Variants in SLC38A8 observed in about 807,000 individuals in gnomAD.
SLC38A8 encodes amino acid transporter SLC38A8.
SLC38A8 carries 65 observed loss-of-function variants against 46.0 expected under a neutral mutation model. The ratio of observed to expected loss-of-function variants is 1.41; its 90% CI spans 1.16 to 1.74. The LOEUF (loss-of-function observed/expected upper bound fraction) is 1.74, where lower values mean the gene tolerates loss of function less well. SLC38A8 is among the 40% of genes most tolerant of loss of function. SLC38A8 has a pLI of 0.00. For missense variants in SLC38A8, 998 were observed against 567.9 expected, an observed-to-expected ratio of 1.76 and a Z score of -7.70; for synonymous variants, 447 against 243.7, an observed-to-expected ratio of 1.83 and a Z score of -7.77.
intron 2 of SLC38A8, among the ~76,000 whole-genome samples, chr16:84,038,956 C>A (rs901501852): frequency 6.6e-6 from 1 of 152,230 alleles, no homozygotes. Flanking sequence ...TTACTGGAAA[C>A]AGTTTTTGCA....
chr16:84,023,458 C>A (rs1030282324), intron 6 of SLC38A8, among the ~76,000 whole-genome samples: 1 of 152,052 alleles, frequency 6.6e-6, no homozygotes, highest in African/African-American at 2.4e-5. Context: ...AGCGTTATTC[C>A]CAACAGAACC....
rs2085123696 is a variant in SLC38A8, at chr16:84,023,664, G to GCGT, written c.691-776_691-775insACG. Among the ~76,000 whole-genome samples, 3 of 152,230 alleles carry GCGT rather than the reference G, an allele frequency of 2.0e-5. No individual in the cohort carries two copies. The East Asian group carries it at 5.8e-4, about 30-fold the overall frequency. ...ACCCCAGCACTTTGGGAGGCCGAAG[G>GCGT]GGGCAGATCACTTGAGGTCAGGAGT... On this transcript the variant is annotated intron_variant, in intron 6 of 10. Coordinates refer to ENST00000299709, the MANE Select transcript of SLC38A8 (RefSeq NM_001080442.3).
At chr16:84,026,324 G>A (rs1183516376) in intron 6 of SLC38A8, among the ~76,000 whole-genome samples, 1 of 152,150 alleles carries the variant, frequency 6.6e-6, no homozygotes, top group Admixed American at 6.5e-5. Flanking sequence ...CCACATCCTG[G>A]GTTCAAGGGA....
Position 84,041,985 on chromosome 16 carries a change from G to A in SLC38A8, c.173C>T (p.Ala58Val). The A allele has an allele frequency of 1.2e-6, 2 of 1,600,832 alleles. No individual in the cohort carries two copies. The highest frequency in any genetic ancestry group is 1.7e-6 in the Non-Finnish European group (2 of 1,172,458). ...GGGACTTACCAGCTCCACCAGGAAG[G>A]CAGGGACCACTCCGCCCGCTTTGGA... Reference protein sequence around the residue: ...AFSKAGGVVPAFLVELVSLVF... With the variant: ...AFSKAGGVVPVFLVELVSLVF... Residue 58 changes from alanine (A) to valine (V), a missense_variant, in exon 2 of 11, where the codon GCC (alanine) becomes GTC (valine). Ala to Val is a moderately conservative substitution (Grantham distance 64, BLOSUM62 0). Transcript: ENST00000299709.
chr16:84,018,299 C>T (rs2085056068), intron 7 of SLC38A8, among the ~76,000 whole-genome samples: 1 of 135,702 alleles, frequency 7.4e-6, no homozygotes, highest in Non-Finnish European at 1.5e-5. Context: ...GTGGCACGAT[C>T]TCGGCTCACT....
chr16:84,021,715 C>T (rs2085098311), intron 7 of SLC38A8, among the ~76,000 whole-genome samples: 1 of 152,208 alleles, frequency 6.6e-6, no homozygotes, highest in Non-Finnish European at 1.5e-5. Flanking sequence ...ACTCTTGATA[C>T]CAATTTTCTG....
chr16:84,029,474 A>C lies in SLC38A8; in HGVS notation c.690+20T>G. On this transcript the variant is annotated intron_variant, in intron 6 of 10. Transcript: ENST00000299709. ...AGCCTCTGCAAACGCCACAGGCTGC[A>C]ACACAGATGCTAAAATTACCTGAAA... is the stretch of plus-strand genomic sequence containing the variant. 6.2e-7 allele frequency: 1 copy of C among 1,613,752 alleles called. No homozygotes were observed. The highest frequency in any genetic ancestry group is 8.5e-7 in the Non-Finnish European group (1 of 1,179,792).
chr16:84,036,839 C>T lies in SLC38A8; in HGVS notation c.251G>A (p.Gly84Asp), dbSNP rs1400885668. 1.2e-6 allele frequency: 2 copies of T among 1,613,718 alleles called. No homozygotes were observed. The highest frequency in any genetic ancestry group is 2.7e-5 in the African/African-American group (2 of 74,920). The change falls in exon 3 of 11, where the codon GGC (glycine) becomes GAC (aspartate). Residue 84 changes from glycine (G) to aspartate (D), a missense_variant. By Grantham distance (94) the Gly-to-Asp change is moderately conservative (BLOSUM62 -1). Transcript: ENST00000299709. Reference protein sequence around the residue: ...VILGYAAAVSGQATYQGVVRG... With the variant: ...VILGYAAAVSDQATYQGVVRG... ...GACCACACCCTGGTAGGTGGCCTGG[C>T]CACTGACAGCAGCAGCATAGCCCAG...
Position 84,010,553 on chromosome 16 carries a change from C to T in SLC38A8, c.1215-676G>A, listed in dbSNP as rs192265524. Among the ~76,000 whole-genome samples the T allele has an allele frequency of 4.4e-3, 676 of 152,012 alleles. 7 individuals are homozygous for T. The highest frequency in any genetic ancestry group is 0.015 in the African/African-American group (617 of 41,492). On this transcript the variant is annotated intron_variant, in intron 10 of 10. Coordinates refer to ENST00000299709, the MANE Select transcript of SLC38A8 (RefSeq NM_001080442.3). ...GGTCATGAATTCAAGACCAGCCTGG[C>T]CAACATGGTGAAACCCCATCTCTAC...
At position 84,031,857 on chromosome 16, in the gene SLC38A8, T is replaced by C; in HGVS notation, c.632+10A>G. The stretch of plus-strand genomic sequence containing the variant: ...GCCGAGGCTGCCGGAAGCTGTTCCC[T>C]CAGACTTACCTCAGTGAAGGATGGG... On this transcript the variant is annotated intron_variant, in intron 5 of 10. Coordinates refer to ENST00000299709, the MANE Select transcript of SLC38A8 (RefSeq NM_001080442.3). 2 of 1,613,242 alleles carry C rather than the reference T, an allele frequency of 1.2e-6. No homozygotes were observed. The highest frequency in any genetic ancestry group is 1.7e-6 in the Non-Finnish European group (2 of 1,179,342).
chr16:84,026,739 G>A (rs779673552), intron 6 of SLC38A8, among the ~76,000 whole-genome samples: 1 of 152,222 alleles, frequency 6.6e-6, no homozygotes, highest in Non-Finnish European at 1.5e-5. Flanking sequence ...CAGATAGGGT[G>A]GCTACAACAT....
chr16:84,037,771 A>AAG lies in SLC38A8; in HGVS notation c.190-873_190-872dup, dbSNP rs1555556895. 7.0e-5 allele frequency among the ~76,000 whole-genome samples: 10 copies of AAG among 142,592 alleles called. No individual in the cohort carries two copies. The East Asian group carries it at 1.5e-3, about 21-fold the overall frequency. 93.5% of individuals were successfully genotyped at this position (142,592 alleles called of 152,430 possible). A position where few individuals can be genotyped will look rare whatever the true frequency, so the allele number is the denominator to read the frequency against. On this transcript the variant is annotated intron_variant, in intron 2 of 10. Coordinates refer to ENST00000299709, the MANE Select transcript of SLC38A8 (RefSeq NM_001080442.3). ...GAGAGACTGCCTCCGAAAAAAAAAA[A>AAG]AGAGAAAAGAAAACATCCCTCTATT...
intron 9 of SLC38A8, 109 bp downstream of exon 9, chr16:84,016,410 C>T: frequency 7.7e-7 from 1 of 1,290,660 alleles, no homozygotes; most frequent in South Asian, 1.5e-5. Context: ...TAATCCTACC[C>T]ATATGTGGCT....
intron 6 of SLC38A8, among the ~76,000 whole-genome samples, chr16:84,025,483 G>C (rs1407385002): frequency 6.6e-6 from 1 of 151,894 alleles, no homozygotes; most frequent in Non-Finnish European, 1.5e-5. Flanking sequence ...GGGCTTTTCG[G>C]TTTGTCTACT....
chr16:84,016,998 T>G, intron 8 of SLC38A8, 142 bp downstream of exon 8: 1 of 1,249,872 alleles, frequency 8.0e-7, no homozygotes, highest in Non-Finnish European at 1.1e-6. Flanking sequence ...TCTACCTAAA[T>G]CCTCTGTGCC....
intron 3 of SLC38A8, among the ~76,000 whole-genome samples, chr16:84,035,219 A>T (rs1024654518): frequency 6.6e-6 from 1 of 151,470 alleles, no homozygotes; most frequent in African/African-American, 2.4e-5. Context: ...CTGCAGACGA[A>T]CTCTACTTGC....
At chr16:84,029,403 C>T in intron 6 of SLC38A8, 91 bp downstream of exon 6, 3 of 1,417,860 alleles carry the variant, frequency 2.1e-6, no homozygotes, top group Non-Finnish European at 2.0e-6. Flanking sequence ...AGACGCCTCC[C>T]TGACAGAGAA....
chr16:84,038,491 C>T (rs2085328287), intron 2 of SLC38A8, among the ~76,000 whole-genome samples: 1 of 152,188 alleles, frequency 6.6e-6, no homozygotes, highest in Non-Finnish European at 1.5e-5. Flanking sequence ...TTGAAGCAAG[C>T]TGCAGATCCC....
chr16:84,009,921 G>A lies in SLC38A8; in HGVS notation c.1215-44C>T, dbSNP rs756458191. The A allele has an allele frequency of 8.3e-6, 13 of 1,558,652 alleles. No homozygotes were observed. The South Asian group carries it at 1.4e-4, about 16-fold the overall frequency. On this transcript the variant is annotated intron_variant, in intron 10 of 10. Coordinates refer to ENST00000299709, the MANE Select transcript of SLC38A8 (RefSeq NM_001080442.3). ...CATGTCAGAGCTTTTCTGGATTTTTGCACAAATAAGCCACACACACATAAA... is the reference window on the plus strand; with the variant it reads ...CATGTCAGAGCTTTTCTGGATTTTTACACAAATAAGCCACACACACATAAA...
Sources: gnomAD v4.1 joint callset for allele counts (sites outside exome capture counted in the v4.1 genomes callset) on GRCh38, gnomAD v4.1.1 for gene constraint, MANE v1.5 for transcripts, NCBI Gene and HGNC (gene_info 2026-07-23, HGNC 2026-07-21) for gene names.